The following KLHL1 variants were observed in gnomAD, a reference collection of about 807,000 sequenced individuals.
KLHL1 encodes kelch-like protein 1.
In KLHL1, 47 loss-of-function variants were observed where a neutral mutation model predicts 77.7. The ratio of observed to expected loss-of-function variants is 0.60; its 90% confidence interval spans 0.48 to 0.77. The LOEUF (loss-of-function observed/expected upper bound fraction) is 0.77. KLHL1 is among the 30% of genes least tolerant of loss of function. The probability of loss-of-function intolerance (pLI) is 0.00; values close to 1 mark genes in which losing one functional copy is unlikely to be tolerated. For missense variants in KLHL1, 925 were observed against 910.8 expected (o/e 1.02, Z -0.20); for synonymous variants, 360 against 325.2 (o/e 1.11, Z -1.15).
chr13:70,019,259 G>A (rs1374827914), intron 1 of KLHL1, among the ~76,000 whole-genome samples: 1 of 152,156 alleles, frequency 6.6e-6, no homozygotes, highest in Non-Finnish European at 1.5e-5. Context: ...GTAATATGTT[G>A]AAAAGTCTAA....
intron 8 of KLHL1, among the ~76,000 whole-genome samples, chr13:69,731,486 C>T (rs953996407): frequency 6.6e-6 from 1 of 152,122 alleles, no homozygotes; most frequent in African/African-American, 2.4e-5. Context: ...CAGCAGCCTT[C>T]CAAAGCAGTG....
chr13:69,792,451 G>A (rs1241083581), intron 7 of KLHL1, among the ~76,000 whole-genome samples: 1 of 152,168 alleles, frequency 6.6e-6, no homozygotes, highest in Non-Finnish European at 1.5e-5. Context: ...CGTTGCTGGT[G>A]TGAACAGAAA....
chr13:69,975,253 A>G (rs1489823491), intron 2 of KLHL1, among the ~76,000 whole-genome samples: 1 of 152,068 alleles, frequency 6.6e-6, no homozygotes, highest in African/African-American at 2.4e-5. Context: ...ATTTCATTTC[A>G]GATTTTAGGC....
chr13:69,957,875 A>G (rs1304481481), intron 3 of KLHL1, among the ~76,000 whole-genome samples: 1 of 151,818 alleles, frequency 6.6e-6, no homozygotes, highest in Non-Finnish European at 1.5e-5. Flanking sequence ...GAAAAATGAC[A>G]TGAACTTCAT....
At chr13:69,806,154 T>C (rs896010463) in intron 6 of KLHL1, among the ~76,000 whole-genome samples, 1 of 152,180 alleles carries the variant, frequency 6.6e-6, no homozygotes, top group Non-Finnish European at 1.5e-5. Context: ...GATAATTTGT[T>C]ATTCTTTTGA....
chr13:69,945,619 T>C (rs9542128), intron 3 of KLHL1, among the ~76,000 whole-genome samples: 73,522 of 152,008 alleles, frequency 0.48, 18,741 homozygotes, highest in Non-Finnish European at 0.58. Context: ...GCAAATGATT[T>C]ATACAGACAT....
At chr13:69,975,569 G>T in intron 2 of KLHL1, 51 bp downstream of exon 2, 1 of 1,481,320 alleles carries the variant, frequency 6.8e-7, no homozygotes, top group Non-Finnish European at 9.2e-7. Context: ...TGCCAGTCTG[G>T]CACTTTTAAA....
intron 3 of KLHL1, among the ~76,000 whole-genome samples, chr13:69,955,333 T>G (rs1883833030): frequency 6.6e-6 from 1 of 151,520 alleles, no homozygotes; most frequent in East Asian, 1.9e-4. Context: ...ATCTTAACAT[T>G]TCTTAGCAGG....
intron 7 of KLHL1, among the ~76,000 whole-genome samples, chr13:69,787,166 G>C (rs181284779): frequency 6.6e-6 from 1 of 152,058 alleles, no homozygotes; most frequent in Non-Finnish European, 1.5e-5. Context: ...CTACTTTAAA[G>C]TTCATATGGA....
At chr13:69,732,684 C>T (rs571798225) in intron 8 of KLHL1, among the ~76,000 whole-genome samples, 1 of 151,702 alleles carries the variant, frequency 6.6e-6, no homozygotes, top group African/African-American at 2.4e-5. Context: ...GAGTGTCACC[C>T]CATCCTTTTC....
chr13:69,934,734 T>G (rs906056995), intron 4 of KLHL1, among the ~76,000 whole-genome samples: 3 of 140,348 alleles, frequency 2.1e-5, no homozygotes, highest in Non-Finnish European at 4.6e-5. Flanking sequence ...CCATCTACCT[T>G]GAATTTCATT....
Position 69,934,962 on chromosome 13 carries a change from G to GTATATATATATA in KLHL1, c.1014+5066_1014+5077dup, listed in dbSNP as rs67195697. On this transcript the variant is annotated intron_variant, in intron 4 of 10. Coordinates refer to ENST00000377844, the MANE Select transcript of KLHL1 (RefSeq NM_020866.3). ...AAATTTACCGTGTGTGTGTGCATGT[G>GTATATATATATA]TATATATATATATATATATATATAT... Among the ~76,000 whole-genome samples the GTATATATATATA allele has an allele frequency of 6.3e-3, 813 of 129,716 alleles. 20 individuals carry two copies. The highest frequency in any genetic ancestry group is 0.022 in the African/African-American group (725 of 32,728). 85.1% of individuals were successfully genotyped at this position (129,716 alleles called of 152,430 possible). A position where few individuals can be genotyped will look rare whatever the true frequency, so the allele number is the denominator to read the frequency against.
intron 4 of KLHL1, among the ~76,000 whole-genome samples, chr13:69,925,588 T>C (rs1882789457): frequency 6.6e-6 from 1 of 152,192 alleles, no homozygotes; most frequent in Non-Finnish European, 1.5e-5. Context: ...GAATATGACT[T>C]TGTATGATTC....
intron 9 of KLHL1, among the ~76,000 whole-genome samples, chr13:69,708,195 A>G (rs1176019102): frequency 1.3e-5 from 2 of 152,072 alleles, no homozygotes; most frequent in Non-Finnish European, 2.9e-5. Flanking sequence ...TACTCGACAG[A>G]TGAAGTTTCC....
intron 5 of KLHL1, among the ~76,000 whole-genome samples, chr13:69,858,668 G>T (rs1880016147): frequency 6.6e-6 from 1 of 151,932 alleles, no homozygotes. Context: ...GTAGCTATAA[G>T]AAAATAATGA....
chr13:69,836,288 A>G (rs1161841385), intron 6 of KLHL1, among the ~76,000 whole-genome samples: 1 of 152,124 alleles, frequency 6.6e-6, no homozygotes, highest in Non-Finnish European at 1.5e-5. Context: ...CCCTCAGAAA[A>G]GAGAATGGCA....
chr13:69,907,205 A>G (rs1435304940), intron 4 of KLHL1, among the ~76,000 whole-genome samples: 2 of 152,054 alleles, frequency 1.3e-5, no homozygotes, highest in African/African-American at 4.8e-5. Context: ...TTAATTTTTA[A>G]AAACTATTTG....
At chr13:69,824,903 T>G (rs1878484336) in intron 6 of KLHL1, among the ~76,000 whole-genome samples, 1 of 151,958 alleles carries the variant, frequency 6.6e-6, no homozygotes, top group Admixed American at 6.6e-5. Context: ...GAATGTAAAT[T>G]TTGCCTAAAA....
chr13:70,096,019 A>T (rs900900095), intron 1 of KLHL1, among the ~76,000 whole-genome samples: 2 of 152,066 alleles, frequency 1.3e-5, no homozygotes, highest in Non-Finnish European at 2.9e-5. Flanking sequence ...TGCAATTAAC[A>T]TGATTTCATT....
Sources: gnomAD v4.1 joint callset for allele counts (sites outside exome capture counted in the v4.1 genomes callset) on GRCh38, gnomAD v4.1.1 for gene constraint, MANE v1.5 for transcripts, NCBI Gene and HGNC (gene_info 2026-07-23, HGNC 2026-07-21) for gene names.